DHRS9: variants seen among roughly 807,000 people sequenced by gnomAD.
The protein encoded by DHRS9 is dehydrogenase/reductase SDR family member 9.
Under a neutral mutation model 26.6 loss-of-function variants are expected in DHRS9, and 18 were observed. That is an observed-to-expected ratio of 0.68 (90% confidence interval 0.47 to 1.00). DHRS9 has a LOEUF of 1.00. Ranked by LOEUF, DHRS9 falls within the 50% of genes least tolerant of loss-of-function variation. The pLI is 0.00. For synonymous variants in DHRS9, 134 were observed against 141.1 expected (o/e 0.95, Z 0.36); for missense variants, 425 against 378.7 (o/e 1.12, Z -1.01).
upstream of DHRS9, chr2:169,067,163 GC>G (rs1256175981): frequency 1.3e-6 from 2 of 1,535,400 alleles, no homozygotes; most frequent in Non-Finnish European, 1.7e-6. Flanking sequence ...GAAGGAAGAA[GC>G]CACTGTGCAT....
At chr2:169,087,965 G>C (rs921260715) in intron 3 of DHRS9, among the ~76,000 whole-genome samples, 7 of 152,022 alleles carry the variant, frequency 4.6e-5, no homozygotes, top group African/African-American at 9.7e-5. Context: ...CTGGGGGAGG[G>C]GTAGCACAAG....
chr2:169,079,776 T>C (rs1043982977), intron 1 of DHRS9, among the ~76,000 whole-genome samples: 2 of 150,550 alleles, frequency 1.3e-5, no homozygotes. Flanking sequence ...CATGAAAATC[T>C]CTTGAACCCA....
At chr2:169,071,030 C>T (rs1020874352) in intron 1 of DHRS9, among the ~76,000 whole-genome samples, 10 of 151,892 alleles carry the variant, frequency 6.6e-5, no homozygotes, top group Non-Finnish European at 8.8e-5. Flanking sequence ...CGCCACTGCA[C>T]TCCAGCCTGG....
chr2:169,094,123 T>G (rs1684621461), intron 4 of DHRS9, among the ~76,000 whole-genome samples: 1 of 152,202 alleles, frequency 6.6e-6, no homozygotes, highest in African/African-American at 2.4e-5. Flanking sequence ...ATAGTAGCCA[T>G]TCTAACAAAT....
rs901056419 is a variant in DHRS9 at position 169,091,678 on chromosome 2, T to C, written c.573-112T>C. 3.3e-6 allele frequency: 4 copies of C among 1,206,040 alleles called. No individual in the cohort carries two copies. The African/African-American group carries it at 6.1e-5, about 18-fold the overall frequency. 74.7% of individuals were successfully genotyped at this position (1,206,040 alleles called of 1,614,324 possible). On this transcript the variant is annotated intron_variant, in intron 3 of 4. Transcript: ENST00000674881. ...GAGAGAATAAGATATTTCTTTCAAATGCACCCAAATCTGTGATTCCATGAA... is the reference window on the plus strand; with the variant it reads ...GAGAGAATAAGATATTTCTTTCAAACGCACCCAAATCTGTGATTCCATGAA...
intron 3 of DHRS9, among the ~76,000 whole-genome samples, chr2:169,085,011 T>C (rs1335734293): frequency 2.0e-5 from 3 of 152,140 alleles, no homozygotes; most frequent in East Asian, 1.9e-4. Context: ...TTTTTGTATA[T>C]GGTAAGAGAT....
At chr2:169,071,327 G>C (rs891227263) in intron 1 of DHRS9, among the ~76,000 whole-genome samples, 1 of 152,138 alleles carries the variant, frequency 6.6e-6, no homozygotes, top group Non-Finnish European at 1.5e-5. Flanking sequence ...ATACTGTCAG[G>C]AAACATTGTC....
At chr2:169,068,039 G>A (rs971751381), upstream of DHRS9, among the ~76,000 whole-genome samples, 6 of 152,194 alleles carry the variant, frequency 3.9e-5, no homozygotes, top group Non-Finnish European at 8.8e-5. Context: ...TCATTAAGTA[G>A]CAAAATTTTA....
chr2:169,085,618 T>C (rs1684326757), intron 3 of DHRS9, among the ~76,000 whole-genome samples: 1 of 152,200 alleles, frequency 6.6e-6, no homozygotes, highest in Non-Finnish European at 1.5e-5. Flanking sequence ...TGATTTCTTT[T>C]TTGGATTGTT....
chr2:169,091,775 G>A lies in DHRS9; in HGVS notation c.573-15G>A, dbSNP rs1684534773. ...CAAACCCGGATTAAACATCTTCAAT[G>A]GGTTCTTTTCACAGACGGGACATGA... On this transcript the variant is annotated splice_polypyrimidine_tract_variant and intron_variant, in intron 3 of 4. Coordinates refer to ENST00000674881, the MANE Select transcript of DHRS9 (RefSeq NM_001376924.1). The A allele has an allele frequency of 6.3e-7, 1 of 1,588,678 alleles. No homozygotes were observed. The highest frequency in any genetic ancestry group is 1.7e-5 in the Admixed American group (1 of 57,220).
intron 1 of DHRS9, among the ~76,000 whole-genome samples, chr2:169,079,414 A>G (rs762885880): frequency 2.0e-4 from 30 of 152,158 alleles, no homozygotes; most frequent in South Asian, 4.1e-4. Flanking sequence ...GGGAAAATGC[A>G]CTAAAATATT....
intron 1 of DHRS9, among the ~76,000 whole-genome samples, chr2:169,071,610 A>G (rs1574017921): frequency 6.6e-6 from 1 of 152,276 alleles, no homozygotes. Context: ...TCGCTGTCCC[A>G]GTACCCAAAG....
chr2:169,090,631 T>C (rs557916648), intron 3 of DHRS9, among the ~76,000 whole-genome samples: 2 of 152,316 alleles, frequency 1.3e-5, no homozygotes, highest in East Asian at 1.9e-4. Flanking sequence ...GTGAAGAGTT[T>C]TATAAAATGA....
chr2:169,073,699 T>C (rs1683878535), intron 1 of DHRS9, among the ~76,000 whole-genome samples: 1 of 152,096 alleles, frequency 6.6e-6, no homozygotes, highest in Non-Finnish European at 1.5e-5. Context: ...AATATTTATA[T>C]AGAGGGAAAT....
At chr2:169,082,116 T>G (rs1291500324) in intron 2 of DHRS9, among the ~76,000 whole-genome samples, 1 of 152,158 alleles carries the variant, frequency 6.6e-6, no homozygotes, top group Non-Finnish European at 1.5e-5. Context: ...GGCCTAAGTC[T>G]CAGTGGGTGA....
intron 1 of DHRS9, among the ~76,000 whole-genome samples, chr2:169,079,545 G>T (rs2105286958): frequency 6.6e-6 from 1 of 151,992 alleles, no homozygotes; most frequent in South Asian, 2.1e-4. Context: ...GAAAAATTAG[G>T]AAATAATTGT....
At chr2:169,085,558 A>T (rs1019406659) in intron 3 of DHRS9, among the ~76,000 whole-genome samples, 2 of 151,434 alleles carry the variant, frequency 1.3e-5, no homozygotes, top group African/African-American at 4.9e-5. Flanking sequence ...CTTTAAGTTA[A>T]CTCCTAGGCA....
rs773264274 is a variant in DHRS9, at chr2:169,081,605, C to A, written c.24C>A (p.Leu8=). 3.7e-6 allele frequency: 6 copies of A among 1,614,074 alleles called. No homozygotes were observed. The South Asian group carries it at 6.6e-5, about 18-fold the overall frequency. ...AAATGCTCTTTTGGGTGCTAGGCCTCCTAATCCTCTGTGGTTTTCTGTGGA... is the reference window on the plus strand; with the variant it reads ...AAATGCTCTTTTGGGTGCTAGGCCTACTAATCCTCTGTGGTTTTCTGTGGA... MLFWVLG[L]LILCGFLWTR... Residue 8 remains leucine (L), a synonymous_variant, in exon 2 of 5, where the codon CTC becomes CTA. Coordinates refer to ENST00000674881, the MANE Select transcript of DHRS9 (RefSeq NM_001376924.1).
rs562713012 is a variant in DHRS9, at chr2:169,092,820, C to G, written c.736+867C>G. Among the ~76,000 whole-genome samples the G allele has an allele frequency of 1.1e-3, 174 of 152,192 alleles. 1 individual carries two copies. Among genetic ancestry groups the G allele is most frequent in the Middle Eastern group, 3.4e-3 (1 of 294 alleles). ...TAAATATTTACTATGTACTTGTCAC[C>G]ATTCTAAGTGCTTTACAGGGACACT... On this transcript the variant is annotated intron_variant, in intron 4 of 4. Transcript: ENST00000674881.
Sources: allele counts gnomAD v4.1 joint callset (sites outside exome capture counted in the v4.1 genomes callset), GRCh38; gene constraint gnomAD v4.1.1; transcripts MANE v1.5; gene names NCBI Gene and HGNC (gene_info 2026-07-23, HGNC 2026-07-21).